RANBP6: variants seen among roughly 807,000 people sequenced by gnomAD.
RANBP6 encodes RAN binding protein 6, also known as ran-binding protein 6.
RANBP6 carries 10 observed loss-of-function variants against 35.3 expected under a neutral mutation model. The ratio of observed to expected loss-of-function variants is 0.28; its 90% CI spans 0.17 to 0.48. The LOEUF (loss-of-function observed/expected upper bound fraction) is 0.48. Ranked by LOEUF, RANBP6 falls within the 20% of genes least tolerant of loss-of-function variation. The probability of loss-of-function intolerance (pLI) is 0.99; values close to 1 mark genes in which losing one functional copy is unlikely to be tolerated. For missense variants in RANBP6, 1,392 were observed against 1,307.7 expected (o/e 1.06, Z -0.99); for synonymous variants, 514 against 464.2 (o/e 1.11, Z -1.38).
chr9:6,012,618 A>C lies in RANBP6; in HGVS notation c.2990T>G (p.Val997Gly). 6.2e-7 allele frequency: 1 copy of C among 1,614,100 alleles called. No homozygotes were observed. Among genetic ancestry groups the C allele is most frequent in the South Asian group, 1.1e-5 (1 of 91,044 alleles). Reference protein sequence around the residue: ...ILKFKPNCVNVDEVLPHWLSW... With the variant: ...ILKFKPNCVNGDEVLPHWLSW... Reference sequence around the variant, plus strand: ...TAACCAGTGTGGAAGAACTTCATCTACATTTACACAGTTAGGCTTAAACTT... The same window carrying C: ...TAACCAGTGTGGAAGAACTTCATCTCCATTTACACAGTTAGGCTTAAACTT... The change falls in exon 1 of 1, where the codon GTA becomes GGA. Residue 997 changes from valine to glycine, a missense_variant. Coordinates refer to ENST00000259569, the MANE Select transcript of RANBP6 (RefSeq NM_012416.4).
Position 6,011,753 on chromosome 9 carries a change from TGAA to T in RANBP6, c.*534_*536del, listed in dbSNP as rs1842476159. 1 of 152,424 alleles carries T rather than the reference TGAA, an allele frequency of 6.6e-6. No individual in the cohort carries two copies. The highest frequency in any genetic ancestry group is 2.4e-5 in the African/African-American group (1 of 41,468). 9.4% of individuals were successfully genotyped at this position (152,424 alleles called of 1,614,324 possible). A position where few individuals can be genotyped will look rare whatever the true frequency, so the allele number is the denominator to read the frequency against. On this transcript the variant is annotated 3_prime_UTR_variant, in exon 1 of 1. Transcript: ENST00000259569. ...CTACCCAGTTCCCAGGAGTACATTA[TGAA>T]GAAGTTCATATACATCCCACATCCA...
In RANBP6 at chr9:6,015,264, T is replaced by C. The variant is rs757250504; in HGVS notation, c.344A>G (p.Lys115Arg). Residue 115 changes from lysine (K) to arginine (R), a missense_variant, in exon 1 of 1, where the codon AAA becomes AGA. By Grantham distance (26) the Lys-to-Arg change is conservative. Coordinates refer to ENST00000259569, the MANE Select transcript of RANBP6 (RefSeq NM_012416.4). ...VKLETHASMR[K>R]KLCDIFAVLA... ...CACTGCAAAAATATCACAAAGTTTTTTCCTCATGCTAGCATGTGTTTCTAA... is the reference window on the plus strand; with the variant it reads ...CACTGCAAAAATATCACAAAGTTTTCTCCTCATGCTAGCATGTGTTTCTAA... 6 of 1,614,240 alleles carry C rather than the reference T, an allele frequency of 3.7e-6. No individual in the cohort carries two copies. Among genetic ancestry groups the C allele is most frequent in the South Asian group, 1.1e-5 (1 of 91,082 alleles).
At position 6,013,135 on chromosome 9, in the gene RANBP6, C is replaced by T. The variant is rs757518200; in HGVS notation, c.2473G>A (p.Glu825Lys). The T allele has an allele frequency of 1.9e-6, 3 of 1,614,066 alleles. No homozygotes were observed. Among genetic ancestry groups the T allele is most frequent in the South Asian group, 1.1e-5 (1 of 91,072 alleles). Residue 825 changes from glutamate to lysine, a missense_variant, in exon 1 of 1, where the codon GAA (glutamate) becomes AAA (lysine). Glu to Lys is a moderately conservative substitution (Grantham distance 56). Transcript: ENST00000259569. ...TCAACCTGTTGATCATAGTTTTCTT[C>T]CTGTCTTTTCACCTGTCTCAATTCT... is the stretch of plus-strand genomic sequence containing the variant. ...NQELRQVKRQ[E>K]ENYDQQVEMS... is the part of the protein sequence containing the mutation.
chr9:6,011,745 G>A lies in RANBP6; in HGVS notation c.*545C>T, dbSNP rs560130695. 1 of 152,470 alleles carries A rather than the reference G, an allele frequency of 6.6e-6. No homozygotes were observed. The highest frequency in any genetic ancestry group is 1.5e-5 in the Non-Finnish European group (1 of 68,138). The allele number at this position is 152,470 out of a possible 1,614,324, so 9.4% of individuals were successfully genotyped here. A position where few individuals can be genotyped will look rare whatever the true frequency, so the allele number is the denominator to read the frequency against. On this transcript the variant is annotated 3_prime_UTR_variant, in exon 1 of 1. Coordinates refer to ENST00000259569, the MANE Select transcript of RANBP6 (RefSeq NM_012416.4). ...GATATGTCCTACCCAGTTCCCAGGA[G>A]TACATTATGAAGAAGTTCATATACA...
In RANBP6 at chr9:6,012,504, A is replaced by G. The variant is rs1842491677; in HGVS notation, c.3104T>C (p.Val1035Ala). 1 of 1,612,036 alleles carries G rather than the reference A, an allele frequency of 6.2e-7. No individual in the cohort carries two copies. Residue 1035 changes from valine (V) to alanine (A), a missense_variant, in exon 1 of 1, where the codon GTA (valine) becomes GCA (alanine). Val to Ala is a moderately conservative substitution (Grantham distance 64). Coordinates refer to ENST00000259569, the MANE Select transcript of RANBP6 (RefSeq NM_012416.4). ...CDLIESNHPV[V>A]IGPNNSNLPK... The stretch of plus-strand genomic sequence containing the variant: ...AAGATTGGAATTATTTGGACCAATT[A>G]CAACTGGGTGGTTACTTTCAATTAG...
chr9:6,013,741 G>A lies in RANBP6; in HGVS notation c.1867C>T (p.Leu623Phe), dbSNP rs1289072400. 1 of 1,613,902 alleles carries A rather than the reference G, an allele frequency of 6.2e-7. No individual in the cohort carries two copies. The highest frequency in any genetic ancestry group is 8.5e-7 in the Non-Finnish European group (1 of 1,180,010). Residue 623 changes from leucine (L) to phenylalanine (F), a missense_variant, in exon 1 of 1, where the codon CTT (leucine) becomes TTT (phenylalanine). By Grantham distance (22) the Leu-to-Phe change is conservative. Transcript: ENST00000259569. ...VSAWARMCKI[L>F]GKDFQQYLPL... ...AGGTACTGTTGAAAATCTTTTCCAA[G>A]AATTTTACACATTCTAGCCCATGCT...
Position 6,015,590 on chromosome 9 carries a change from A to C in RANBP6, c.18T>G (p.Ser6=). 6.3e-7 allele frequency: 1 copy of C among 1,597,938 alleles called. No individual in the cohort carries two copies. The highest frequency in any genetic ancestry group is 8.5e-7 in the Non-Finnish European group (1 of 1,177,426). The change falls in exon 1 of 1, where the codon TCT becomes TCG. Residue 6 remains serine, a synonymous_variant. Transcript: ENST00000259569. ...CTGACACGGTCGCCGGCACCCCTGC[A>C]GACGCGGTTGCCGCCATTGCGCTCT... MAATA[S]AGVPATVSEK...
At position 6,012,327 on chromosome 9, in the gene RANBP6, T is replaced by A; in HGVS notation, c.3281A>T (p.Gln1094Leu). Residue 1094 changes from glutamine (Q) to leucine (L), a missense_variant, in exon 1 of 1, where the codon CAG (glutamine) becomes CTG (leucine). Gln to Leu is a moderately radical substitution (Grantham distance 113, BLOSUM62 -2). Coordinates refer to ENST00000259569, the MANE Select transcript of RANBP6 (RefSeq NM_012416.4). ...TAGCAACTCCTGTAAGGCTTCCTGC[T>A]GTTCATCATCAAGTTGTGATACACA... ...LECVSQLDDE[Q>L]QEALQELLNF... 5.0e-6 allele frequency: 8 copies of A among 1,589,704 alleles called. No homozygotes were observed. Among genetic ancestry groups the A allele is most frequent in the Non-Finnish European group, 6.8e-6 (8 of 1,170,964 alleles).
At position 6,013,085 on chromosome 9, in the gene RANBP6, T is replaced by G; in HGVS notation, c.2523A>C (p.Glu841Asp). ...QVEMSLQDED[E>D]CDVYILTKVS... ...CTTTGGTCAGAATATAAACATCACA[T>G]TCATCCTCATCTTGCAGAGACATCT... The change falls in exon 1 of 1, where the codon GAA (glutamate) becomes GAC (aspartate). Residue 841 changes from glutamate (E) to aspartate (D), a missense_variant. Coordinates refer to ENST00000259569, the MANE Select transcript of RANBP6 (RefSeq NM_012416.4). 1 of 1,614,028 alleles carries G rather than the reference T, an allele frequency of 6.2e-7. No individual in the cohort carries two copies. Among genetic ancestry groups the G allele is most frequent in the Non-Finnish European group, 8.5e-7 (1 of 1,179,978 alleles).
At position 6,014,961 on chromosome 9, in the gene RANBP6, A is replaced by G; in HGVS notation, c.647T>C (p.Ile216Thr). 4 of 1,614,238 alleles carry G rather than the reference A, an allele frequency of 2.5e-6. No individual in the cohort carries two copies. The South Asian group carries it at 4.4e-5, about 18-fold the overall frequency. The stretch of plus-strand genomic sequence containing the variant: ...GTCTGCAAAGTCTTTGAAAAGAGCA[A>G]TATTATTCTCATTAGCAAGTACAAA... Reference protein sequence around the residue: ...AAFVLANENNIALFKDFADLL... With the variant: ...AAFVLANENNTALFKDFADLL... The change falls in exon 1 of 1, where the codon ATT becomes ACT. Residue 216 changes from isoleucine (I) to threonine (T), a missense_variant. Physicochemically the swap from Ile to Thr is moderately conservative, Grantham distance 89 (BLOSUM62 -1). Transcript: ENST00000259569.
Position 6,012,953 on chromosome 9 carries a change from T to C in RANBP6, c.2655A>G (p.Pro885=). The change falls in exon 1 of 1, where the codon CCA becomes CCG. Residue 885 remains proline (P), a synonymous_variant. Coordinates refer to ENST00000259569, the MANE Select transcript of RANBP6 (RefSeq NM_012416.4). The stretch of plus-strand genomic sequence containing the variant: ...ACAATCCCCACTGTCTGTCTGGCCA[T>C]GGCCTACTTGAACAAATTAGATTTA... ...LIVNLICSSR[P]WPDRQWGLCI... 3.1e-6 allele frequency: 5 copies of C among 1,614,188 alleles called. No homozygotes were observed. The highest frequency in any genetic ancestry group is 4.2e-6 in the Non-Finnish European group (5 of 1,180,030).
Position 6,015,545 on chromosome 9 carries a change from C to G in RANBP6, c.63G>C (p.Gln21His), listed in dbSNP as rs1445391795. The change falls in exon 1 of 1, where the codon CAG (glutamine) becomes CAC (histidine). Residue 21 changes from glutamine to histidine, a missense_variant. By Grantham distance (24) the Gln-to-His change is conservative. Coordinates refer to ENST00000259569, the MANE Select transcript of RANBP6 (RefSeq NM_012416.4). ...TTGGATTGATCAGGTTCTTCAGAAG[C>G]TGGTAAAACTCTTGCTTTTCTGACA... ...ATVSEKQEFY[Q>H]LLKNLINPSC... 4 of 1,611,044 alleles carry G rather than the reference C, an allele frequency of 2.5e-6. No individual in the cohort carries two copies. Among genetic ancestry groups the G allele is most frequent in the Non-Finnish European group, 3.4e-6 (4 of 1,179,866 alleles).
chr9:6,013,830 A>C lies in RANBP6; in HGVS notation c.1778T>G (p.Leu593Trp), dbSNP rs1487846469. ...ATTATTTAAGTCTGATTGTGTCTTC[A>C]ACAACAGCTGCATCACATTTGATGC... ...QDASNVMQLL[L>W]KTQSDLNNME... Residue 593 changes from leucine to tryptophan, a missense_variant, in exon 1 of 1, where the codon TTG becomes TGG. Leu to Trp is a moderately conservative substitution (Grantham distance 61). Coordinates refer to ENST00000259569, the MANE Select transcript of RANBP6 (RefSeq NM_012416.4). 4 of 1,614,028 alleles carry C rather than the reference A, an allele frequency of 2.5e-6. No individual in the cohort carries two copies. In the South Asian group the frequency reaches 3.3e-5, roughly 13 times the overall value.
chr9:6,014,822 A>T lies in RANBP6; in HGVS notation c.786T>A (p.Tyr262Ter). 1 of 1,614,250 alleles carries T rather than the reference A, an allele frequency of 6.2e-7. No homozygotes were observed. Among genetic ancestry groups the T allele is most frequent in the African/African-American group, 1.3e-5 (1 of 75,082 alleles). ...ADTVPKYLGP[Y>*]LEDTLQLSLK... The stretch of plus-strand genomic sequence containing the variant: ...AACTCAACTGTAGAGTATCTTCTAA[A>T]TAAGGACCCAAGTACTTAGGTACGG... Residue 262 changes from tyrosine (Y) to a stop codon, truncating the protein, a stop_gained, in exon 1 of 1, where the codon TAT (tyrosine) becomes TAA (stop). Coordinates refer to ENST00000259569, the MANE Select transcript of RANBP6 (RefSeq NM_012416.4). LOFTEE classifies it low-confidence loss of function (END_TRUNC).
Position 6,013,568 on chromosome 9 carries a change from A to G in RANBP6, c.2040T>C (p.Thr680=). The part of the protein sequence containing the change: ...LGDQQSFGIK[T]SGLEAKATAC... Reference sequence around the variant, plus strand: ...CAGTTGCTTTTGCTTCAAGTCCTGAAGTTTTAATTCCAAAACTCTGCTGGT... The same window carrying G: ...CAGTTGCTTTTGCTTCAAGTCCTGAGGTTTTAATTCCAAAACTCTGCTGGT... The change falls in exon 1 of 1, where the codon ACT becomes ACC. Residue 680 remains threonine, a synonymous_variant. Coordinates refer to ENST00000259569, the MANE Select transcript of RANBP6 (RefSeq NM_012416.4). 1 of 1,614,248 alleles carries G rather than the reference A, an allele frequency of 6.2e-7. No individual in the cohort carries two copies. Among genetic ancestry groups the G allele is most frequent in the Non-Finnish European group, 8.5e-7 (1 of 1,180,042 alleles).
chr9:6,013,393 G>A lies in RANBP6; in HGVS notation c.2215C>T (p.Leu739=). 6.2e-7 allele frequency: 1 copy of A among 1,614,170 alleles called. No individual in the cohort carries two copies. The highest frequency in any genetic ancestry group is 8.5e-7 in the Non-Finnish European group (1 of 1,180,026). The change falls in exon 1 of 1, where the codon CTG becomes TTG. Residue 739 remains leucine, a synonymous_variant. Transcript: ENST00000259569. ...VAAAESMPFL[L]ECARIRGPEY... ...GGGCCACGAATTCTTGCACATTCCA[G>A]GAGAAAAGGCATGGACTCTGCTGCT...
rs527289388 is a variant in RANBP6 at position 6,012,493 on chromosome 9, T to G, written c.3115A>C (p.Asn1039His). 1 of 1,612,122 alleles carries G rather than the reference T, an allele frequency of 6.2e-7. No individual in the cohort carries two copies. The highest frequency in any genetic ancestry group is 1.3e-5 in the African/African-American group (1 of 74,918). ...ESNHPVVIGPNNSNLPKIISI... is the reference protein window; with the variant it reads ...ESNHPVVIGPHNSNLPKIISI... Reference sequence around the variant, plus strand: ...ATTATTTTGGGAAGATTGGAATTATTTGGACCAATTACAACTGGGTGGTTA... The same window carrying G: ...ATTATTTTGGGAAGATTGGAATTATGTGGACCAATTACAACTGGGTGGTTA... Residue 1039 changes from asparagine to histidine, a missense_variant, in exon 1 of 1, where the codon AAT becomes CAT. Physicochemically the swap from Asn to His is moderately conservative, Grantham distance 68 (BLOSUM62 1). Coordinates refer to ENST00000259569, the MANE Select transcript of RANBP6 (RefSeq NM_012416.4).
Position 6,014,400 on chromosome 9 carries a change from G to A in RANBP6, c.1208C>T (p.Ser403Leu), listed in dbSNP as rs771697285. The A allele has an allele frequency of 6.2e-7, 1 of 1,614,152 alleles. No individual in the cohort carries two copies. Among genetic ancestry groups the A allele is most frequent in the Middle Eastern group, 1.6e-4 (1 of 6,062 alleles). Residue 403 changes from serine to leucine, a missense_variant, in exon 1 of 1, where the codon TCA becomes TTA. Physicochemically the swap from Ser to Leu is moderately radical, Grantham distance 145. Transcript: ENST00000259569. ...GGAGTTAACTGTTTCATCTAGAATT[G>A]ATTCCATTTGTTGATGGCATCCTTC... is the stretch of plus-strand genomic sequence containing the variant. ...IGEGCHQQME[S>L]ILDETVNSVL... is the part of the protein sequence containing the mutation.
Position 6,013,255 on chromosome 9 carries a change from T to G in RANBP6, c.2353A>C (p.Ile785Leu), listed in dbSNP as rs1161637044. Residue 785 changes from isoleucine to leucine, a missense_variant, in exon 1 of 1, where the codon ATT becomes CTT. Ile to Leu is a conservative substitution (Grantham distance 5, BLOSUM62 2). Transcript: ENST00000259569. ...AGGCAACCATCTCCCATAACTTCAA[T>G]GGACTTTGCAAAAGAATTCATTATT... ...SEIMNSFAKS[I>L]EVMGDGCLND... is the part of the protein sequence containing the mutation. 6.2e-7 allele frequency: 1 copy of G among 1,614,074 alleles called. No individual in the cohort carries two copies. The highest frequency in any genetic ancestry group is 1.3e-5 in the African/African-American group (1 of 74,922).
Sources: allele counts gnomAD v4.1 joint callset, GRCh38; gene constraint gnomAD v4.1.1; transcripts MANE v1.5; gene names NCBI Gene and HGNC (gene_info 2026-07-23, HGNC 2026-07-21).